Variants in KCNQ3 observed in about 807,000 individuals in gnomAD.
KCNQ3 encodes potassium voltage-gated channel subfamily Q member 3.
KCNQ3 carries 30 observed loss-of-function variants against 92.5 expected under a neutral mutation model. That is an observed-to-expected ratio of 0.32 (90% confidence interval 0.24 to 0.44). The LOEUF (loss-of-function observed/expected upper bound fraction) is 0.44, where lower values mean the gene tolerates loss of function less well. Among genes scored for constraint, KCNQ3 ranks in the 20% least tolerant of loss-of-function variants. KCNQ3 has a pLI of 1.00. For missense variants in KCNQ3, 913 were observed against 1,140.3 expected, an observed-to-expected ratio of 0.80 and a Z score of 2.87; for synonymous variants, 450 against 468.8, an observed-to-expected ratio of 0.96 and a Z score of 0.52.
intron 1 of KCNQ3, among the ~76,000 whole-genome samples, chr8:132,379,984 T>C (rs1032569972): frequency 2.6e-5 from 4 of 152,036 alleles, no homozygotes; most frequent in African/African-American, 9.7e-5. Flanking sequence ...GTTGTGATGA[T>C]AATAGTAATT....
chr8:132,191,514 C>A (rs1422661070), intron 1 of KCNQ3, among the ~76,000 whole-genome samples: 2 of 150,478 alleles, frequency 1.3e-5, no homozygotes, highest in Non-Finnish European at 1.5e-5. Flanking sequence ...ATATATGTAT[C>A]TCTCTCTCTA....
At chr8:132,283,633 TG>T (rs2130535607) in intron 1 of KCNQ3, among the ~76,000 whole-genome samples, 1 of 152,328 alleles carries the variant, frequency 6.6e-6, no homozygotes, top group East Asian at 1.9e-4. Flanking sequence ...TGATCCCCCT[TG>T]TCATCGGTAC....
intron 1 of KCNQ3, among the ~76,000 whole-genome samples, chr8:132,382,377 C>T (rs1173426717): frequency 6.6e-6 from 1 of 152,144 alleles, no homozygotes; most frequent in African/African-American, 2.4e-5. Flanking sequence ...TGCTCCTTCT[C>T]TCTTGCTCCA....
chr8:132,416,443 C>G (rs1367073149), intron 1 of KCNQ3, among the ~76,000 whole-genome samples: 1 of 152,044 alleles, frequency 6.6e-6, no homozygotes, highest in Non-Finnish European at 1.5e-5. Flanking sequence ...GCTTGGCCAA[C>G]ATGGTGAAAC....
At chr8:132,239,229 C>T (rs1156394275) in intron 1 of KCNQ3, among the ~76,000 whole-genome samples, 1 of 152,174 alleles carries the variant, frequency 6.6e-6, no homozygotes, top group Non-Finnish European at 1.5e-5. Context: ...TACTCCAGCC[C>T]TCCCTCCTGT....
intron 1 of KCNQ3, among the ~76,000 whole-genome samples, chr8:132,479,180 C>T (rs1400831487): frequency 6.6e-6 from 1 of 152,104 alleles, no homozygotes; most frequent in African/African-American, 2.4e-5. Context: ...CCATCCTCTC[C>T]CCCCTCCCAA....
In KCNQ3 at chr8:132,480,194, G is replaced by A. The variant is rs998731555; in HGVS notation, c.339C>T (p.Asp113=). The part of the protein sequence containing the change: ...KYRRIQTLIY[D]ALERPRGWAL... ...CCCAGCCCCGCGGTCTCTCCAGGGC[G>A]TCGTAGATCAAAGTTTGGATGCGCC... is the stretch of plus-strand genomic sequence containing the variant. Residue 113 remains aspartate (D), a synonymous_variant, in exon 1 of 15, where the codon GAC becomes GAT. Transcript: ENST00000388996. The A allele has an allele frequency of 1.4e-5, 22 of 1,612,946 alleles. No individual in the cohort carries two copies. The highest frequency in any genetic ancestry group is 1.8e-5 in the Non-Finnish European group (21 of 1,179,370).
intron 3 of KCNQ3, among the ~76,000 whole-genome samples, chr8:132,183,619 C>T (rs1278935160): frequency 6.6e-6 from 1 of 152,158 alleles, no homozygotes; most frequent in Non-Finnish European, 1.5e-5. Flanking sequence ...GTGAGAGTTT[C>T]CACCTCCTCT....
At chr8:132,132,128 T>G in intron 14 of KCNQ3, 52 bp downstream of exon 14, 5 of 1,169,028 alleles carry the variant, frequency 4.3e-6, no homozygotes, top group South Asian at 2.6e-5. Flanking sequence ...AAATGGCATT[T>G]GAAAATAAAT....
At chr8:132,207,372 T>C (rs1813694844) in intron 1 of KCNQ3, among the ~76,000 whole-genome samples, 3 of 152,228 alleles carry the variant, frequency 2.0e-5, no homozygotes. Context: ...ACCTGGAATT[T>C]GCATTTTAAT....
At chr8:132,374,881 TA>T (rs1201288266) in intron 1 of KCNQ3, among the ~76,000 whole-genome samples, 2 of 152,248 alleles carry the variant, frequency 1.3e-5, no homozygotes, top group African/African-American at 2.4e-5. Context: ...GGCTGCATAG[TA>T]TTCCATCGTG....
At chr8:132,432,007 A>G (rs1176612204) in intron 1 of KCNQ3, among the ~76,000 whole-genome samples, 17 of 152,250 alleles carry the variant, frequency 1.1e-4, no homozygotes, top group Admixed American at 1.1e-3. Context: ...AGCAATTTAA[A>G]GCACATCTCC....
intron 1 of KCNQ3, among the ~76,000 whole-genome samples, chr8:132,353,557 G>C (rs1370839450): frequency 6.6e-6 from 1 of 152,096 alleles, no homozygotes; most frequent in Non-Finnish European, 1.5e-5. Context: ...TTTCAAAAAT[G>C]TTGGTTTTTT....
chr8:132,171,796 G>T (rs755745325), intron 7 of KCNQ3, among the ~76,000 whole-genome samples: 1 of 152,110 alleles, frequency 6.6e-6, no homozygotes, highest in Non-Finnish European at 1.5e-5. Context: ...AGGGGAAGTA[G>T]AAGGAGAAGA....
chr8:132,430,964 C>T (rs902839352), intron 1 of KCNQ3, among the ~76,000 whole-genome samples: 1 of 152,102 alleles, frequency 6.6e-6, no homozygotes, highest in Admixed American at 6.5e-5. Context: ...CCTGGGGGTT[C>T]ACTCACTCCT....
intron 8 of KCNQ3, among the ~76,000 whole-genome samples, chr8:132,168,614 T>C (rs1417840488): frequency 6.6e-6 from 1 of 152,092 alleles, no homozygotes; most frequent in African/African-American, 2.4e-5. Context: ...TACTTTGTCA[T>C]GGTCACTGAC....
chr8:132,197,623 C>A (rs774990217), intron 1 of KCNQ3, among the ~76,000 whole-genome samples: 3 of 151,656 alleles, frequency 2.0e-5, no homozygotes, highest in Non-Finnish European at 4.4e-5. Flanking sequence ...CTTTCTTCTC[C>A]AGGACAAACC....
intron 9 of KCNQ3, among the ~76,000 whole-genome samples, chr8:132,155,632 T>C (rs1314739238): frequency 6.6e-6 from 1 of 152,152 alleles, no homozygotes; most frequent in Non-Finnish European, 1.5e-5. Flanking sequence ...CCAACATTAT[T>C]AAAAGTAATC....
intron 1 of KCNQ3, among the ~76,000 whole-genome samples, chr8:132,225,670 T>C (rs1408699060): frequency 6.6e-6 from 1 of 152,190 alleles, no homozygotes; most frequent in Non-Finnish European, 1.5e-5. Flanking sequence ...TGGGTTATCA[T>C]GGGAGTATTT....
Sources: gnomAD v4.1 joint callset for allele counts (sites outside exome capture counted in the v4.1 genomes callset) on GRCh38, gnomAD v4.1.1 for gene constraint, MANE v1.5 for transcripts, NCBI Gene and HGNC (gene_info 2026-07-23, HGNC 2026-07-21) for gene names.